SPNS3: variants seen among roughly 807,000 people sequenced by gnomAD.
SPNS3 encodes the protein protein spinster homolog 3.
Under a neutral mutation model 54.4 loss-of-function variants are expected in SPNS3, and 51 were observed. The observed-to-expected ratio is 0.94, with a 90% CI of 0.75 to 1.18. The LOEUF (loss-of-function observed/expected upper bound fraction) is 1.18, where lower values mean the gene tolerates loss of function less well. SPNS3 is among the 50% of genes most tolerant of loss of function. The pLI is 0.00. For synonymous variants in SPNS3, 309 were observed against 294.7 expected, an observed-to-expected ratio of 1.05 and a Z score of -0.50; for missense variants, 669 against 677.4, an observed-to-expected ratio of 0.99 and a Z score of 0.14.
rs11452700 is a variant in SPNS3, at chr17:4,477,952, G to GT, written c.1114-611dup. On this transcript the variant is annotated intron_variant, in intron 8 of 11. Coordinates refer to ENST00000355530, the MANE Select transcript of SPNS3 (RefSeq NM_182538.5). The stretch of plus-strand genomic sequence containing the variant: ...TTTTACTCTTTGTCCTCTAAAGTCT[G>GT]TTTTTTTTTCACTTTTCCTTTTTTT... Among the ~76,000 whole-genome samples the GT allele has an allele frequency of 6.5e-3, 761 of 116,408 alleles. 8 individuals are homozygous for GT. The highest frequency in any genetic ancestry group is 0.024 in the African/African-American group (712 of 29,650). The allele number at this position is 116,408 out of a possible 152,430, so 76.4% of individuals were successfully genotyped here.
intron 8 of SPNS3, among the ~76,000 whole-genome samples, chr17:4,477,158 C>G (rs1215160326): frequency 6.6e-6 from 1 of 152,242 alleles, no homozygotes; most frequent in Non-Finnish European, 1.5e-5. Context: ...CACAGGCCAT[C>G]ACGGCGTGGG....
At chr17:4,464,515 A>C (rs990939997) in intron 8 of SPNS3, among the ~76,000 whole-genome samples, 16 of 151,912 alleles carry the variant, frequency 1.1e-4, no homozygotes, top group Non-Finnish European at 1.8e-4. Context: ...TGTCTGAAAG[A>C]CCTGGCCATC....
At chr17:4,474,020 G>T (rs1971924898) in intron 8 of SPNS3, among the ~76,000 whole-genome samples, 1 of 152,200 alleles carries the variant, frequency 6.6e-6, no homozygotes, top group Non-Finnish European at 1.5e-5. Flanking sequence ...CCCACCAGGG[G>T]CTGTCTGAGA....
intron 6 of SPNS3, among the ~76,000 whole-genome samples, chr17:4,448,861 A>C (rs1233345795): frequency 6.6e-6 from 1 of 152,220 alleles, no homozygotes; most frequent in Non-Finnish European, 1.5e-5. Flanking sequence ...CAGGGCAGGC[A>C]GGGACAGCTT....
chr17:4,438,486 A>G lies in SPNS3; in HGVS notation c.200-1172A>G, dbSNP rs577591551. On this transcript the variant is annotated intron_variant, in intron 1 of 11. Transcript: ENST00000355530. ...GGGCCAGAGCCGCATGGCTCACGTG[A>G]GCAGGTGCTGCAGACCCCGACCCTT... Among the ~76,000 whole-genome samples the G allele has an allele frequency of 3.1e-4, 47 of 152,156 alleles. 1 individual carries two copies. Among genetic ancestry groups the G allele is most frequent in the Admixed American group, 1.8e-3 (28 of 15,260 alleles).
At chr17:4,446,367 C>T (rs1227537617) in intron 4 of SPNS3, among the ~76,000 whole-genome samples, 168 bp downstream of exon 4, 1 of 152,178 alleles carries the variant, frequency 6.6e-6, no homozygotes, top group East Asian at 1.9e-4. Context: ...GCCTCAGTTT[C>T]CTCATCTGTA....
chr17:4,434,461 A>G (rs936538489), intron 1 of SPNS3, among the ~76,000 whole-genome samples: 5 of 152,060 alleles, frequency 3.3e-5, no homozygotes, highest in Non-Finnish European at 5.9e-5. Flanking sequence ...GGAGTTTGAG[A>G]CCAACCTGGA....
At chr17:4,437,650 TAGTG>T (rs772463520) in intron 1 of SPNS3, among the ~76,000 whole-genome samples, 2 of 149,792 alleles carry the variant, frequency 1.3e-5, no homozygotes, top group Non-Finnish European at 3.0e-5. Flanking sequence ...CTGGATGAAA[TAGTG>T]AGATTCAGTC....
chr17:4,447,695 T>G (rs1994979), intron 5 of SPNS3, among the ~76,000 whole-genome samples: 67,990 of 151,968 alleles, frequency 0.45, 15,658 homozygotes, highest in Middle Eastern at 0.62. Context: ...TGCCCCAAGG[T>G]GGGTAGTGAG....
chr17:4,446,503 G>T, intron 4 of SPNS3: 1 of 487,788 alleles, frequency 2.1e-6, no homozygotes, highest in East Asian at 3.3e-5. Context: ...GAGGTAAGGT[G>T]AGGAAGCGTG....
In SPNS3 at chr17:4,449,382, C is replaced by CGACAGGTG; in HGVS notation, c.919_923+3dup. ...GCTTCCAGGAGCCGTGCAGCAACCC[C>CGACAGGTG]GACAGGTGAGGGCATCCGGGGGCCC... is the stretch of plus-strand genomic sequence containing the variant. On this transcript the variant is annotated frameshift_variant, in exon 7 of 12. Coordinates refer to ENST00000355530, the MANE Select transcript of SPNS3 (RefSeq NM_182538.5). LOFTEE classifies it high-confidence loss of function. The CGACAGGTG allele has an allele frequency of 6.3e-7, 1 of 1,594,480 alleles. No homozygotes were observed. The highest frequency in any genetic ancestry group is 8.5e-7 in the Non-Finnish European group (1 of 1,175,668).
intron 11 of SPNS3, among the ~76,000 whole-genome samples, chr17:4,487,366 C>T (rs889414238): frequency 6.6e-6 from 1 of 152,158 alleles, no homozygotes; most frequent in Non-Finnish European, 1.5e-5. Context: ...GTTTGAGGAT[C>T]AGCAAGGAGG....
chr17:4,434,210 C>T (rs778338542), intron 1 of SPNS3, 44 bp downstream of exon 1: 1 of 1,540,880 alleles, frequency 6.5e-7, no homozygotes, highest in East Asian at 2.3e-5. Flanking sequence ...GCTGCTGTGC[C>T]CACCAGCCAG....
chr17:4,480,443 C>A (rs1422124927), intron 9 of SPNS3, among the ~76,000 whole-genome samples: 1 of 152,234 alleles, frequency 6.6e-6, no homozygotes, highest in East Asian at 1.9e-4. Context: ...TTAACATCCC[C>A]CCAGCATAGC....
chr17:4,446,732 C>T (rs1970997955), intron 4 of SPNS3, 164 bp from the exon 5 acceptor site: 1 of 657,618 alleles, frequency 1.5e-6, no homozygotes, highest in South Asian at 1.7e-5. Flanking sequence ...GGGCAGTGGA[C>T]ATCTGGGCCT....
chr17:4,443,829 A>T (rs1970913310), intron 2 of SPNS3, among the ~76,000 whole-genome samples: 1 of 152,250 alleles, frequency 6.6e-6, no homozygotes, highest in African/African-American at 2.4e-5. Context: ...GGCCGGGCAC[A>T]GTGGCCCACG....
chr17:4,473,212 C>T (rs1971904607), intron 8 of SPNS3, among the ~76,000 whole-genome samples: 1 of 152,052 alleles, frequency 6.6e-6, no homozygotes, highest in South Asian at 2.1e-4. Flanking sequence ...ACTTTCAATC[C>T]TCCATCTTTG....
At chr17:4,439,221 T>A (rs571321737) in intron 1 of SPNS3, among the ~76,000 whole-genome samples, 1 of 151,972 alleles carries the variant, frequency 6.6e-6, no homozygotes, top group Non-Finnish European at 1.5e-5. Context: ...CCTCCCAGGC[T>A]CAAGCAATTC....
Position 4,486,326 on chromosome 17 carries a change from T to G in SPNS3, c.1278T>G (p.Leu426=). 1 of 1,600,928 alleles carries G rather than the reference T, an allele frequency of 6.2e-7. No homozygotes were observed. Residue 426 remains leucine (L), a splice_region_variant and synonymous_variant, in exon 10 of 12, where the codon CTT becomes CTG. Transcript: ENST00000355530. The surrounding 1 kb of genome is among the most constrained non-coding windows in gnomAD (Gnocchi z 5.5). ...CTGGCAGCCCCTATCTCACAGGACT[T>G]GTAAGACGTGTCTGCGTGTGTGGGG... ...GDAGSPYLTG[L]ISSVLRARRP...
Sources: gnomAD v4.1 joint callset for allele counts (sites outside exome capture counted in the v4.1 genomes callset) on GRCh38, gnomAD v4.1.1 for gene constraint, Gnocchi (gnomAD v3.1) non-coding constraint, MANE v1.5 for transcripts, NCBI Gene and HGNC (gene_info 2026-07-23, HGNC 2026-07-21) for gene names.